SHISA9: variants seen among roughly 807,000 people sequenced by gnomAD.
SHISA9 encodes shisa family member 9, also known as protein shisa-9.
A neutral mutation model predicts 38.0 loss-of-function variants in SHISA9; 13 were observed. The observed-to-expected ratio is 0.34, with a 90% CI of 0.22 to 0.54. The LOEUF (loss-of-function observed/expected upper bound fraction) is 0.54, where lower values mean the gene tolerates loss of function less well. Among genes scored for constraint, SHISA9 ranks in the 20% least tolerant of loss-of-function variants. SHISA9 has a pLI of 0.91. For missense variants in SHISA9, 538 were observed against 575.8 expected (o/e 0.93, Z 0.67); for synonymous variants, 275 against 242.0 (o/e 1.14, Z -1.27).
chr16:13,507,802 G>A, the SHISA9 span, among the ~76,000 whole-genome samples: 7 of 152,292 alleles, frequency 4.6e-5, no homozygotes, highest in East Asian at 1.9e-4. Context: ...GATTGTGCTC[G>A]TTTGCTTGTT....
intron 2 of SHISA9, among the ~76,000 whole-genome samples, chr16:13,029,442 CA>C (rs1195104309): frequency 6.6e-6 from 1 of 152,044 alleles, no homozygotes; most frequent in Non-Finnish European, 1.5e-5. Flanking sequence ...CTCGTCTCTA[CA>C]AAAAAATACA....
intron 2 of SHISA9, among the ~76,000 whole-genome samples, chr16:12,952,537 T>G (rs1011492135): frequency 1.3e-5 from 2 of 152,220 alleles, no homozygotes; most frequent in Non-Finnish European, 2.9e-5. Context: ...AATCTCATGT[T>G]GAATTGTAAT....
chr16:12,966,420 C>T (rs760249591), intron 2 of SHISA9, among the ~76,000 whole-genome samples: 3 of 152,052 alleles, frequency 2.0e-5, no homozygotes, highest in East Asian at 3.9e-4. Context: ...CAGATATGTG[C>T]GTTCTTTCTT....
intron 2 of SHISA9, among the ~76,000 whole-genome samples, chr16:13,195,223 T>C (rs1028701203): frequency 6.6e-6 from 1 of 152,198 alleles, no homozygotes; most frequent in African/African-American, 2.4e-5. Context: ...ATAACAAATC[T>C]ATACAAGATG....
chr16:13,139,045 G>A (rs2050374612), intron 2 of SHISA9, among the ~76,000 whole-genome samples: 1 of 152,152 alleles, frequency 6.6e-6, no homozygotes, highest in African/African-American at 2.4e-5. Context: ...CGAATTAGAG[G>A]AATGAAGTTG....
chr16:13,516,872 A>G, the SHISA9 span, among the ~76,000 whole-genome samples: 1 of 152,178 alleles, frequency 6.6e-6, no homozygotes, highest in Non-Finnish European at 1.5e-5. Flanking sequence ...ATTTAGTTCA[A>G]TAAATGCATG....
At chr16:13,184,442 C>G (rs1205808407) in intron 2 of SHISA9, among the ~76,000 whole-genome samples, 1 of 152,162 alleles carries the variant, frequency 6.6e-6, no homozygotes, top group East Asian at 1.9e-4. Context: ...AGGGTGATGT[C>G]TTTGCATATT....
chr16:13,406,855 G>C, the SHISA9 span, among the ~76,000 whole-genome samples: 1 of 152,000 alleles, frequency 6.6e-6, no homozygotes, highest in Non-Finnish European at 1.5e-5. Context: ...GATCATCTGA[G>C]GTCGGGAATT....
At chr16:13,080,852 G>A (rs2073640470) in intron 2 of SHISA9, among the ~76,000 whole-genome samples, 1 of 152,190 alleles carries the variant, frequency 6.6e-6, no homozygotes. Context: ...TGGAGACTGG[G>A]AAGTCGAAGG....
chr16:13,190,926 G>A (rs1254927191), intron 2 of SHISA9, among the ~76,000 whole-genome samples: 1 of 147,170 alleles, frequency 6.8e-6, no homozygotes, highest in Non-Finnish European at 1.5e-5. Context: ...TTTCTTTATT[G>A]CAAATTCCTG....
the SHISA9 span, among the ~76,000 whole-genome samples, chr16:13,285,624 A>G: frequency 6.6e-6 from 1 of 152,074 alleles, no homozygotes; most frequent in Non-Finnish European, 1.5e-5. Flanking sequence ...TTCTCTAACC[A>G]TAGATCCCGC....
chr16:13,018,887 G>A (rs969394509), intron 2 of SHISA9, among the ~76,000 whole-genome samples: 8 of 152,312 alleles, frequency 5.3e-5, no homozygotes, highest in South Asian at 2.1e-4. Flanking sequence ...ACCGAAGAAC[G>A]CTGGAAAGCC....
the SHISA9 span, among the ~76,000 whole-genome samples, chr16:13,453,995 C>G: frequency 6.6e-6 from 1 of 152,166 alleles, no homozygotes; most frequent in Non-Finnish European, 1.5e-5. Context: ...ATACCCTCAT[C>G]TCATATGTCA....
At chr16:13,516,153 C>T in the SHISA9 span, among the ~76,000 whole-genome samples, 1 of 152,186 alleles carries the variant, frequency 6.6e-6, no homozygotes, top group African/African-American at 2.4e-5. Context: ...GATCTTCAAC[C>T]CAGATAAACC....
At chr16:13,230,896 G>A (rs747638482) in intron 4 of SHISA9, among the ~76,000 whole-genome samples, 9 of 152,150 alleles carry the variant, frequency 5.9e-5, no homozygotes, top group African/African-American at 9.7e-5. Context: ...CTGTCATGGC[G>A]CTGGTGGGAG....
intron 2 of SHISA9, among the ~76,000 whole-genome samples, chr16:13,074,116 C>T (rs1415337451): frequency 6.6e-6 from 1 of 151,898 alleles, no homozygotes; most frequent in Non-Finnish European, 1.5e-5. Flanking sequence ...ATTACAGGCG[C>T]CCGCCATCAC....
chr16:12,905,132 G>T (rs1400279889), intron 1 of SHISA9, among the ~76,000 whole-genome samples: 1 of 151,648 alleles, frequency 6.6e-6, no homozygotes, highest in East Asian at 1.9e-4. Flanking sequence ...CTGTACTGGG[G>T]TGTGTGTGTG....
intron 2 of SHISA9, among the ~76,000 whole-genome samples, chr16:13,033,311 G>C (rs1287900688): frequency 6.6e-6 from 1 of 152,136 alleles, no homozygotes; most frequent in Non-Finnish European, 1.5e-5. Flanking sequence ...GAAGTTCAAA[G>C]TATTGATAAC....
At chr16:13,551,111 G>C in the SHISA9 span, among the ~76,000 whole-genome samples, 1 of 145,948 alleles carries the variant, frequency 6.9e-6, no homozygotes, top group Non-Finnish European at 1.5e-5. Flanking sequence ...GCGACAGTGA[G>C]AGACTCCATC....
Sources: allele counts gnomAD v4.1 joint callset (sites outside exome capture counted in the v4.1 genomes callset), GRCh38; gene constraint gnomAD v4.1.1; transcripts MANE v1.5; gene names NCBI Gene and HGNC (gene_info 2026-07-23, HGNC 2026-07-21).